The following IQCM variants were observed in gnomAD, a reference collection of about 807,000 sequenced individuals.
IQCM encodes the protein IQ motif containing M.
IQCM carries 45 observed loss-of-function variants against 57.6 expected under a neutral mutation model. The observed-to-expected ratio is 0.78, with a 90% CI of 0.62 to 1.00. The LOEUF (loss-of-function observed/expected upper bound fraction) is 1.00. IQCM is among the 50% of genes least tolerant of loss of function. IQCM has a pLI of 0.00. For missense variants in IQCM, 468 were observed against 511.6 expected (o/e 0.91, Z 0.82); for synonymous variants, 148 against 158.9 (o/e 0.93, Z 0.51).
chr4:149,678,671 A>T (rs1300047830), intron 7 of IQCM, among the ~76,000 whole-genome samples: 1 of 151,676 alleles, frequency 6.6e-6, no homozygotes, highest in Non-Finnish European at 1.5e-5. Context: ...TCCACTAATA[A>T]ATAAATCTAG....
In IQCM at chr4:149,686,453, T is replaced by C; in HGVS notation, c.401A>G (p.Asp134Gly). 5 of 1,225,300 alleles carry C rather than the reference T, an allele frequency of 4.1e-6. No individual in the cohort carries two copies. Among genetic ancestry groups the C allele is most frequent in the Non-Finnish European group, 4.1e-6 (4 of 982,198 alleles). The allele number at this position is 1,225,300 out of a possible 1,614,324, so 75.9% of individuals were successfully genotyped here. Residue 134 changes from aspartate to glycine, a missense_variant, in exon 6 of 14, where the codon GAT becomes GGT. Physicochemically the swap from Asp to Gly is moderately conservative, Grantham distance 94. Transcript: ENST00000636793. ...DLITKGQVKL[D>G]KIMTIIEPVS... Reference sequence around the variant, plus strand: ...TGGTTCAATAATAGTCATGATTTTATCCAATTTAACTTGTCCTGAAATTTT... The same window carrying C: ...TGGTTCAATAATAGTCATGATTTTACCCAATTTAACTTGTCCTGAAATTTT...
At chr4:149,611,188 C>A (rs573025063) in intron 8 of IQCM, among the ~76,000 whole-genome samples, 8 of 151,556 alleles carry the variant, frequency 5.3e-5, no homozygotes, top group Non-Finnish European at 8.9e-5. Flanking sequence ...ATGGCTTTTA[C>A]TAAAAAAAAT....
rs541633468 is a variant in IQCM at position 149,368,962 on chromosome 4, G to GTA, written c.1391-16898_1391-16897dup. On this transcript the variant is annotated intron_variant, in intron 13 of 13. Transcript: ENST00000636793. ...TATATATGTGTATATATATACACGT[G>GTA]TATATATATATGTGTATATATATAC... is the stretch of plus-strand genomic sequence containing the variant. 2.5e-4 allele frequency among the ~76,000 whole-genome samples: 12 copies of GTA among 47,096 alleles called. 1 individual carries two copies. The highest frequency in any genetic ancestry group is 1.5e-3 in the East Asian group (3 of 2,030). The allele number at this position is 47,096 out of a possible 152,430, so 30.9% of individuals were successfully genotyped here.
chr4:149,742,295 T>G (rs1239169518), intron 3 of IQCM, among the ~76,000 whole-genome samples: 1 of 152,124 alleles, frequency 6.6e-6, no homozygotes, highest in Admixed American at 6.6e-5. Context: ...AAAAATAGAT[T>G]TATATGCCCA....
intron 13 of IQCM, among the ~76,000 whole-genome samples, chr4:149,397,889 C>T (rs962659554): frequency 6.6e-6 from 1 of 151,766 alleles, no homozygotes; most frequent in Non-Finnish European, 1.5e-5. Flanking sequence ...TTTTCACTCC[C>T]GTGATTGTTT....
At chr4:149,427,015 T>C (rs1264842597) in intron 13 of IQCM, among the ~76,000 whole-genome samples, 1 of 151,950 alleles carries the variant, frequency 6.6e-6, no homozygotes, top group African/African-American at 2.4e-5. Flanking sequence ...AAATAGATAG[T>C]AAATTCAGAT....
At chr4:149,667,299 G>A (rs1018747787) in intron 7 of IQCM, among the ~76,000 whole-genome samples, 7 of 152,142 alleles carry the variant, frequency 4.6e-5, no homozygotes, top group Non-Finnish European at 1.0e-4. Context: ...GGCCAGGAGT[G>A]GACCTCCAGC....
chr4:149,590,568 A>C (rs1391596455), intron 8 of IQCM, among the ~76,000 whole-genome samples: 1 of 151,942 alleles, frequency 6.6e-6, no homozygotes, highest in Non-Finnish European at 1.5e-5. Context: ...CATCATCTGC[A>C]TTAGGTTTTT....
At chr4:149,645,199 G>T (rs950277511) in intron 7 of IQCM, among the ~76,000 whole-genome samples, 1 of 151,990 alleles carries the variant, frequency 6.6e-6, no homozygotes, top group Non-Finnish European at 1.5e-5. Context: ...AAAAATTGTT[G>T]GTTATATGTA....
chr4:149,387,867 C>A (rs1347058024), intron 13 of IQCM, among the ~76,000 whole-genome samples: 3 of 151,950 alleles, frequency 2.0e-5, no homozygotes, highest in Non-Finnish European at 4.4e-5. Flanking sequence ...CAGCCTTAAG[C>A]AACTGATAAT....
At chr4:149,680,137 T>C (rs1045430392) in intron 7 of IQCM, among the ~76,000 whole-genome samples, 3 of 151,376 alleles carry the variant, frequency 2.0e-5, no homozygotes, top group African/African-American at 7.3e-5. Context: ...AAAATCCCTA[T>C]TCTTATCTGA....
At chr4:149,433,579 T>C in intron 12 of IQCM, 22 bp from the exon 13 acceptor site, 2 of 994,840 alleles carry the variant, frequency 2.0e-6, no homozygotes, top group Non-Finnish European at 2.6e-6. Context: ...AGATAAAATA[T>C]ATAAAATTTT....
intron 7 of IQCM, among the ~76,000 whole-genome samples, chr4:149,665,038 C>T (rs750679707): frequency 6.6e-5 from 10 of 152,266 alleles, no homozygotes; most frequent in African/African-American, 2.4e-4. Flanking sequence ...AGGCTCTGGG[C>T]AGTCAGAATT....
At chr4:149,469,463 TG>T (rs963586752) in intron 12 of IQCM, among the ~76,000 whole-genome samples, 1 of 152,138 alleles carries the variant, frequency 6.6e-6, no homozygotes, top group African/African-American at 2.4e-5. Context: ...TCAAGAAATA[TG>T]GGACTATGTG....
At chr4:149,360,181 C>T (rs1729372350) in intron 13 of IQCM, among the ~76,000 whole-genome samples, 1 of 152,046 alleles carries the variant, frequency 6.6e-6, no homozygotes, top group Non-Finnish European at 1.5e-5. Context: ...TATAGTCAGC[C>T]TTCTGTACCT....
chr4:149,664,094 G>A (rs1253426790), intron 7 of IQCM, among the ~76,000 whole-genome samples: 1 of 151,938 alleles, frequency 6.6e-6, no homozygotes, highest in African/African-American at 2.4e-5. Flanking sequence ...GCCCTCAATG[G>A]TATTTTTACT....
chr4:149,752,521 C>T (rs537721668), intron 2 of IQCM, among the ~76,000 whole-genome samples: 3 of 148,968 alleles, frequency 2.0e-5, no homozygotes, highest in Admixed American at 2.0e-4. Flanking sequence ...CACTGCACTC[C>T]AGCCTGGTAA....
chr4:149,613,223 G>A (rs1039190568), intron 8 of IQCM, among the ~76,000 whole-genome samples: 16 of 151,818 alleles, frequency 1.1e-4, no homozygotes, highest in African/African-American at 3.4e-4. Flanking sequence ...AAGAAAAAGC[G>A]CAAAGAGAAG....
At chr4:149,643,590 G>C (rs746637646) in intron 7 of IQCM, among the ~76,000 whole-genome samples, 1 of 152,004 alleles carries the variant, frequency 6.6e-6, no homozygotes. Flanking sequence ...ATGTTATCAG[G>C]GTACTCAAAT....
Sources: allele counts gnomAD v4.1 joint callset (sites outside exome capture counted in the v4.1 genomes callset), GRCh38; gene constraint gnomAD v4.1.1; transcripts MANE v1.5; gene names NCBI Gene and HGNC (gene_info 2026-07-23, HGNC 2026-07-21).